The following RFX4 variants were observed in gnomAD, a reference collection of about 807,000 sequenced individuals.
The protein encoded by RFX4 is regulatory factor X4, also known as transcription factor RFX4.
A neutral mutation model predicts 95.0 loss-of-function variants in RFX4; 10 were observed. The observed-to-expected ratio is 0.11, with a 90% CI of 0.06 to 0.18. The LOEUF is 0.18. Ranked by LOEUF, RFX4 falls within the 10% of genes least tolerant of loss-of-function variation. The pLI is 1.00. For synonymous variants in RFX4, 321 were observed against 340.7 expected, an observed-to-expected ratio of 0.94 and a Z score of 0.64; for missense variants, 640 against 922.0, an observed-to-expected ratio of 0.69 and a Z score of 3.96.
At chr12:106,755,016 T>C (rs1258656537) in intron 17 of RFX4, among the ~76,000 whole-genome samples, 4 of 152,374 alleles carry the variant, frequency 2.6e-5, no homozygotes, top group Non-Finnish European at 5.9e-5. Context: ...TCCTTTGTTT[T>C]GTTTTTCATT....
chr12:106,610,237 CAAA>C (rs398044781), intron 2 of RFX4, among the ~76,000 whole-genome samples: 98 of 77,472 alleles, frequency 1.3e-3, no homozygotes, highest in African/African-American at 3.5e-3. Context: ...GACTCCATCT[CAAA>C]AAAAAAAAAA....
At chr12:106,671,656 CTTTT>C (rs2041282966) in intron 4 of RFX4, among the ~76,000 whole-genome samples, 1 of 151,838 alleles carries the variant, frequency 6.6e-6, no homozygotes, top group Admixed American at 6.6e-5. Flanking sequence ...TTCCTTCTTT[CTTTT>C]CTTTTCTTTC....
chr12:106,612,746 A>G (rs1383445012), intron 2 of RFX4, among the ~76,000 whole-genome samples: 1 of 152,124 alleles, frequency 6.6e-6, no homozygotes, highest in Non-Finnish European at 1.5e-5. Flanking sequence ...GCTGAGGCAC[A>G]AGCATAGCTT....
At chr12:106,745,651 T>G (rs983821271) in intron 15 of RFX4, among the ~76,000 whole-genome samples, 1 of 152,190 alleles carries the variant, frequency 6.6e-6, no homozygotes, top group African/African-American at 2.4e-5. Flanking sequence ...AATGAAAACC[T>G]TTCCTTTATC....
Position 106,586,848 on chromosome 12 carries a change from T to A in RFX4, c.43+3485T>A, listed in dbSNP as rs1268200949. Among the ~76,000 whole-genome samples, 2 of 152,214 alleles carry A rather than the reference T, an allele frequency of 1.3e-5. No homozygotes were observed. The highest frequency in any genetic ancestry group is 2.9e-5 in the Non-Finnish European group (2 of 68,034). On this transcript the variant is annotated intron_variant, in intron 1 of 17. Coordinates refer to ENST00000392842, the MANE Select transcript of RFX4 (RefSeq NM_213594.3). The surrounding 1 kb of genome is among the most constrained non-coding windows in gnomAD (Gnocchi z 5.6). ...TGGAGGGAACAGGGCCCGAGCCTCC[T>A]CCATTCTTGCCCAGGCACAGCCCTG...
At chr12:106,721,522 C>G (rs964943854) in intron 13 of RFX4, among the ~76,000 whole-genome samples, 2 of 152,074 alleles carry the variant, frequency 1.3e-5, no homozygotes, top group African/African-American at 4.8e-5. Context: ...ATTACTGAAT[C>G]GGGGTGAATG....
Position 106,720,957 on chromosome 12 carries a change from C to A in RFX4, c.1351+81C>A. 2 of 1,205,618 alleles carry A rather than the reference C, an allele frequency of 1.7e-6. No homozygotes were observed. Among genetic ancestry groups the A allele is most frequent in the Non-Finnish European group, 2.4e-6 (2 of 817,330 alleles). The allele number at this position is 1,205,618 out of a possible 1,614,324, so 74.7% of individuals were successfully genotyped here. A position where few individuals can be genotyped will look rare whatever the true frequency, so the allele number is the denominator to read the frequency against. On this transcript the variant is annotated intron_variant, in intron 13 of 17. Transcript: ENST00000392842. The surrounding 1 kb of genome is among the most constrained non-coding windows in gnomAD (Gnocchi z 4.2). ...CCCAGAGGAATCTACCACAGTCTAA[C>A]TTGCTGTTTCTGCAAGGTCATCACC...
At chr12:106,710,172 A>AT (rs896541879) in intron 9 of RFX4, among the ~76,000 whole-genome samples, 4 of 152,130 alleles carry the variant, frequency 2.6e-5, no homozygotes, top group Admixed American at 1.3e-4. Flanking sequence ...TAAAATATAC[A>AT]TTTTTTAAAG....
At chr12:106,690,688 C>G (rs543743735) in intron 7 of RFX4, among the ~76,000 whole-genome samples, 6 of 152,254 alleles carry the variant, frequency 3.9e-5, no homozygotes, top group African/African-American at 1.4e-4. Context: ...AGGCATACCC[C>G]CTACTTATCC....
chr12:106,631,734 C>T (rs2040419370), intron 2 of RFX4, among the ~76,000 whole-genome samples: 1 of 152,194 alleles, frequency 6.6e-6, no homozygotes, highest in Admixed American at 6.5e-5. Flanking sequence ...GTCTAAAAAC[C>T]ACCCAGTCTG....
rs551400572 is a variant in RFX4 at position 106,706,048 on chromosome 12, G to A, written c.834-3282G>A. On this transcript the variant is annotated intron_variant, in intron 8 of 17. Coordinates refer to ENST00000392842, the MANE Select transcript of RFX4 (RefSeq NM_213594.3). ...TCAGGGGTGCTGACCTGGTCTGGGGGCTTCGGGGAAGGTTTGCCTATAGAA... is the reference window on the plus strand; with the variant it reads ...TCAGGGGTGCTGACCTGGTCTGGGGACTTCGGGGAAGGTTTGCCTATAGAA... Among the ~76,000 whole-genome samples, 3 of 152,352 alleles carry A rather than the reference G, an allele frequency of 2.0e-5. No individual in the cohort carries two copies. In the South Asian group the frequency reaches 6.2e-4, roughly 32 times the overall value.
In RFX4 at chr12:106,663,756, GT is replaced by G. The variant is rs551357817; in HGVS notation, c.315+9417del. On this transcript the variant is annotated intron_variant, in intron 4 of 17. Coordinates refer to ENST00000392842, the MANE Select transcript of RFX4 (RefSeq NM_213594.3). ...CCTTTATTCCTAGTTTGCAGAAAGCGTTTTTTTTTTTTCAAATCGTGAGTGG... is the reference window on the plus strand; with the variant it reads ...CCTTTATTCCTAGTTTGCAGAAAGCGTTTTTTTTTTTCAAATCGTGAGTGG... 9.8e-4 allele frequency among the ~76,000 whole-genome samples: 136 copies of G among 138,638 alleles called. No homozygotes were observed. The Middle Eastern group carries it at 0.011, about 11-fold the overall frequency. The allele number at this position is 138,638 out of a possible 152,430, so 91.0% of individuals were successfully genotyped here. A position where few individuals can be genotyped will look rare whatever the true frequency, so the allele number is the denominator to read the frequency against.
chr12:106,612,973 G>A (rs1408245494), intron 2 of RFX4, among the ~76,000 whole-genome samples: 1 of 152,004 alleles, frequency 6.6e-6, no homozygotes, highest in Non-Finnish European at 1.5e-5. Context: ...GAATAGAAGT[G>A]GTGAATGCAG....
intron 17 of RFX4, among the ~76,000 whole-genome samples, chr12:106,752,175 C>T (rs1405273710): frequency 6.6e-6 from 1 of 150,692 alleles, no homozygotes; most frequent in African/African-American, 2.4e-5. Context: ...GTTTTCCCAG[C>T]ACCATTTATT....
intron 17 of RFX4, among the ~76,000 whole-genome samples, chr12:106,756,030 C>G (rs964741702): frequency 1.1e-4 from 16 of 152,170 alleles, no homozygotes; most frequent in African/African-American, 3.6e-4. Flanking sequence ...GTTTACACTA[C>G]TTATTTGCAC....
At chr12:106,733,927 G>A (rs532396727) in intron 15 of RFX4, among the ~76,000 whole-genome samples, 70 of 152,308 alleles carry the variant, frequency 4.6e-4, no homozygotes, top group Admixed American at 2.4e-3. Flanking sequence ...CCACTGAAGC[G>A]TCTTATCGAT....
intron 1 of RFX4, chr12:106,601,097 C>T (rs1362610174): frequency 1.4e-6 from 2 of 1,401,284 alleles, no homozygotes; most frequent in Non-Finnish European, 1.9e-6. Context: ...GGCAGGGCCC[C>T]TTCCTGGAAC....
chr12:106,617,797 G>C (rs541533618), intron 2 of RFX4, among the ~76,000 whole-genome samples: 1 of 152,326 alleles, frequency 6.6e-6, no homozygotes, highest in Admixed American at 6.5e-5. Flanking sequence ...TGCAATCTCA[G>C]CTCACTGTAG....
rs1396831986 is a variant in RFX4 at position 106,762,329 on chromosome 12, G to C, written c.*860G>C. The C allele has an allele frequency of 6.6e-6, 1 of 152,544 alleles. No homozygotes were observed. Among genetic ancestry groups the C allele is most frequent in the African/African-American group, 2.4e-5 (1 of 41,412 alleles). 9.4% of individuals were successfully genotyped at this position (152,544 alleles called of 1,614,324 possible). Reference sequence around the variant, plus strand: ...CTGCTGTGTTAACTTTGTGAAACTGGATGGAACAAACTTTAACTTACCAAG... The same window carrying C: ...CTGCTGTGTTAACTTTGTGAAACTGCATGGAACAAACTTTAACTTACCAAG... On this transcript the variant is annotated 3_prime_UTR_variant, in exon 18 of 18. Transcript: ENST00000392842.
Sources: allele counts gnomAD v4.1 joint callset (sites outside exome capture counted in the v4.1 genomes callset), GRCh38; gene constraint gnomAD v4.1.1; non-coding constraint Gnocchi (gnomAD v3.1); transcripts MANE v1.5; gene names NCBI Gene and HGNC (gene_info 2026-07-23, HGNC 2026-07-21).